Variants in MROH2B observed in about 807,000 individuals in gnomAD.
The protein encoded by MROH2B is maestro heat-like repeat-containing protein family member 2B.
MROH2B carries 177 observed loss-of-function variants against 208.6 expected under a neutral mutation model. The ratio of observed to expected loss-of-function variants is 0.85; its 90% CI spans 0.75 to 0.96. MROH2B has a LOEUF of 0.96. MROH2B is among the 40% of genes least tolerant of loss of function. The pLI, the probability that MROH2B is intolerant of heterozygous loss-of-function variation, is 0.00. For synonymous variants in MROH2B, 728 were observed against 659.0 expected (o/e 1.10, Z -1.60); for missense variants, 2,002 against 1,878.7 (o/e 1.07, Z -1.21).
At position 41,070,686 on chromosome 5, in the gene MROH2B, C is replaced by T. The variant is rs1443527304; in HGVS notation, c.28+139G>A. ...CAGCATGATTTTATTATGTATTTAG[C>T]ATACCATTTCATAAATCCTTTGAGG... On this transcript the variant is annotated intron_variant, in intron 1 of 41. Coordinates refer to ENST00000399564, the MANE Select transcript of MROH2B (RefSeq NM_173489.5). The T allele has an allele frequency of 5.3e-6, 4 of 749,274 alleles. No homozygotes were observed. The African/African-American group carries it at 7.0e-5, about 13-fold the overall frequency. 46.4% of individuals were successfully genotyped at this position (749,274 alleles called of 1,614,324 possible). A position where few individuals can be genotyped will look rare whatever the true frequency, so the allele number is the denominator to read the frequency against.
At chr5:41,046,850 C>A (rs1485179254) in intron 17 of MROH2B, among the ~76,000 whole-genome samples, 8 of 151,898 alleles carry the variant, frequency 5.3e-5, no homozygotes, top group Non-Finnish European at 1.2e-4. Flanking sequence ...GAGGTGGATC[C>A]TAGAATTGAG....
intron 12 of MROH2B, among the ~76,000 whole-genome samples, chr5:41,052,026 G>C (rs73090398): frequency 0.041 from 6,197 of 152,046 alleles, 436 homozygotes; most frequent in African/African-American, 0.14. Context: ...TTTTGCTATA[G>C]CAGCCTGAAT....
At chr5:41,051,246 T>G (rs890685703) in intron 12 of MROH2B, among the ~76,000 whole-genome samples, 156 bp from the exon 13 acceptor site, 3 of 152,136 alleles carry the variant, frequency 2.0e-5, no homozygotes, top group Non-Finnish European at 4.4e-5. Context: ...CAACATCTAA[T>G]CCCTGTTTGA....
chr5:41,048,228 C>A, intron 16 of MROH2B, 96 bp downstream of exon 16: 1 of 1,397,150 alleles, frequency 7.2e-7, no homozygotes, highest in Non-Finnish European at 9.5e-7. Flanking sequence ...TTTTTATTGC[C>A]TAAAATGAGC....
Position 41,070,822 on chromosome 5 carries a change from T to C in MROH2B, c.28+3A>G. 1 of 1,610,628 alleles carries C rather than the reference T, an allele frequency of 6.2e-7. No homozygotes were observed. Among genetic ancestry groups the C allele is most frequent in the Non-Finnish European group, 8.5e-7 (1 of 1,178,316 alleles). ...TGGCTTCTCAGGATCTGATGATGCT[T>C]ACCTATGGATTCCTCTGTACTAAGT... On this transcript the variant is annotated splice_donor_region_variant and intron_variant, in intron 1 of 41. Coordinates refer to ENST00000399564, the MANE Select transcript of MROH2B (RefSeq NM_173489.5).
chr5:41,061,667 G>A lies in MROH2B; in HGVS notation c.518C>T (p.Pro173Leu). ...YKYVNHWRDF[P>L]YPRLDANRLS... The stretch of plus-strand genomic sequence containing the variant: ...TCGGTTGGCATCCAGTCTGGGGTAG[G>A]GAAAATCTCTCCAGTGGTTGACATA... Residue 173 changes from proline (P) to leucine (L), a missense_variant, in exon 6 of 42, where the codon CCC (proline) becomes CTC (leucine). Physicochemically the swap from Pro to Leu is moderately conservative, Grantham distance 98 (BLOSUM62 -3). Transcript: ENST00000399564. 6.2e-7 allele frequency: 1 copy of A among 1,613,856 alleles called. No individual in the cohort carries two copies. Among genetic ancestry groups the A allele is most frequent in the Non-Finnish European group, 8.5e-7 (1 of 1,179,832 alleles).
intron 41 of MROH2B, among the ~76,000 whole-genome samples, chr5:40,998,359 G>T (rs992139551): frequency 1.3e-5 from 2 of 152,134 alleles, no homozygotes; most frequent in Non-Finnish European, 2.9e-5. Flanking sequence ...GGAAGAGAAG[G>T]CCCTGACCTT....
chr5:41,069,825 A>G (rs528399052), intron 1 of MROH2B, 73 bp from the exon 2 acceptor site: 1 of 1,147,702 alleles, frequency 8.7e-7, no homozygotes. Context: ...TGTAATCAAC[A>G]CAGAAAGTTC....
chr5:41,017,856 T>C lies in MROH2B; in HGVS notation c.2878A>G (p.Ile960Val). ...AASSTIGLFYIKGIHLEVERL... is the reference protein window; with the variant it reads ...AASSTIGLFYVKGIHLEVERL... Reference sequence around the variant, plus strand: ...TTCCCCATCTTTCCCTCACCTTTTATATAGAACAGACCAATAGTTGAGCTA... The same window carrying C: ...TTCCCCATCTTTCCCTCACCTTTTACATAGAACAGACCAATAGTTGAGCTA... Residue 960 changes from isoleucine (I) to valine (V), a missense_variant, in exon 28 of 42, where the codon ATA becomes GTA. Coordinates refer to ENST00000399564, the MANE Select transcript of MROH2B (RefSeq NM_173489.5). The C allele has an allele frequency of 1.3e-6, 2 of 1,593,794 alleles. No homozygotes were observed. Among genetic ancestry groups the C allele is most frequent in the Non-Finnish European group, 8.5e-7 (1 of 1,170,130 alleles).
intron 39 of MROH2B, 101 bp from the exon 40 acceptor site, chr5:40,999,880 G>GCACT: frequency 1.0e-6 from 1 of 987,320 alleles, no homozygotes; most frequent in Non-Finnish European, 1.5e-6. Flanking sequence ...AGGCCAGTGA[G>GCACT]CACTCACACA....
chr5:41,008,090 A>G (rs1012562288), intron 33 of MROH2B, among the ~76,000 whole-genome samples: 29 of 152,224 alleles, frequency 1.9e-4, no homozygotes, highest in African/African-American at 6.5e-4. Context: ...ATGAAAATTC[A>G]TACTTCATAA....
At chr5:41,005,141 A>G (rs925477571) in intron 35 of MROH2B, 7 of 575,112 alleles carry the variant, frequency 1.2e-5, no homozygotes, top group African/African-American at 9.3e-5. Context: ...GGTTACCTGC[A>G]TAACAGATGT....
intron 7 of MROH2B, 55 bp from the exon 8 acceptor site, chr5:41,057,415 A>G (rs1241717765): frequency 7.9e-7 from 1 of 1,260,456 alleles, no homozygotes; most frequent in Non-Finnish European, 1.1e-6. Flanking sequence ...GCAGCTGCAC[A>G]GGATGTGGAA....
At chr5:41,013,011 A>AT (rs1561278946) in intron 29 of MROH2B, among the ~76,000 whole-genome samples, 1 of 152,256 alleles carries the variant, frequency 6.6e-6, no homozygotes, top group African/African-American at 2.4e-5. Context: ...GCCTAAAGTT[A>AT]TAGCATACAG....
chr5:41,046,774 G>C (rs555469683), intron 17 of MROH2B, among the ~76,000 whole-genome samples: 9 of 152,284 alleles, frequency 5.9e-5, no homozygotes, highest in African/African-American at 1.9e-4. Flanking sequence ...AATGGTAGCA[G>C]AAGGAAATCT....
chr5:41,035,734 C>T (rs781137514), intron 21 of MROH2B, among the ~76,000 whole-genome samples: 6 of 152,136 alleles, frequency 3.9e-5, no homozygotes, highest in Middle Eastern at 3.4e-3. Context: ...CATCACTAAC[C>T]ATCAAAGAAA....
chr5:41,032,991 T>C (rs762495672), intron 23 of MROH2B, 50 bp downstream of exon 23: 16 of 1,608,778 alleles, frequency 9.9e-6, no homozygotes, highest in Admixed American at 1.7e-5. Context: ...CCCTGAACTC[T>C]TGGTAATGGA....
chr5:41,065,418 T>C lies in MROH2B; in HGVS notation c.274A>G (p.Met92Val). 6.2e-7 allele frequency: 1 copy of C among 1,613,560 alleles called. No individual in the cohort carries two copies. The highest frequency in any genetic ancestry group is 1.1e-5 in the South Asian group (1 of 91,052). Residue 92 changes from methionine (M) to valine (V), a missense_variant, in exon 4 of 42, where the codon ATG (methionine) becomes GTG (valine). Met to Val is a conservative substitution (Grantham distance 21). Transcript: ENST00000399564. ...SLAAHDFNSV[M>V]YEVQSNFRIL... Reference sequence around the variant, plus strand: ...CTGAAGTTACTTTGTACTTCATACATCACAGAGTTGAAATCATGTGCAGCA... The same window carrying C: ...CTGAAGTTACTTTGTACTTCATACACCACAGAGTTGAAATCATGTGCAGCA...
At chr5:41,017,151 T>G (rs979912398) in intron 28 of MROH2B, among the ~76,000 whole-genome samples, 2 of 152,228 alleles carry the variant, frequency 1.3e-5, no homozygotes, top group African/African-American at 4.8e-5. Context: ...GCGTCTACTC[T>G]GCAGAACTGC....
Sources: gnomAD v4.1 joint callset for allele counts (sites outside exome capture counted in the v4.1 genomes callset) on GRCh38, gnomAD v4.1.1 for gene constraint, MANE v1.5 for transcripts, NCBI Gene and HGNC (gene_info 2026-07-23, HGNC 2026-07-21) for gene names.